The following EPB41 variants were observed in gnomAD, a reference collection of about 807,000 sequenced individuals.
EPB41 encodes erythrocyte membrane protein band 4.1.
In EPB41, 65 loss-of-function variants were observed where a neutral mutation model predicts 108.0. That is an observed-to-expected ratio of 0.60 (90% CI 0.49 to 0.74). EPB41 has a LOEUF of 0.74. EPB41 is among the 30% of genes least tolerant of loss of function. EPB41 has a pLI of 0.00. For missense variants in EPB41, 875 were observed against 1,037.0 expected, an observed-to-expected ratio of 0.84 and a Z score of 2.15; for synonymous variants, 336 against 358.9, an observed-to-expected ratio of 0.94 and a Z score of 0.72.
intron 1 of EPB41, among the ~76,000 whole-genome samples, chr1:28,960,260 C>G (rs1355875550): frequency 6.6e-6 from 1 of 151,706 alleles, no homozygotes. Context: ...ATCCACCCAC[C>G]TTGGCCTCCC....
At chr1:28,890,815 T>C in intron 1 of EPB41, 1 of 685,688 alleles carries the variant, frequency 1.5e-6, no homozygotes, top group Non-Finnish European at 1.8e-6. Context: ...GGATTTGAAC[T>C]TAGGTTCAAC....
At chr1:29,034,199 A>G (rs1362425630) in intron 9 of EPB41, among the ~76,000 whole-genome samples, 1 of 152,184 alleles carries the variant, frequency 6.6e-6, no homozygotes, top group East Asian at 1.9e-4. Flanking sequence ...TTAAAATTTC[A>G]AATTCAAGAG....
At chr1:28,950,591 A>G (rs950605207) in intron 1 of EPB41, among the ~76,000 whole-genome samples, 1 of 152,244 alleles carries the variant, frequency 6.6e-6, no homozygotes, top group Non-Finnish European at 1.5e-5. Flanking sequence ...GGAGCAGGAG[A>G]AAGGCAGAAG....
intron 1 of EPB41, among the ~76,000 whole-genome samples, chr1:28,965,312 A>G (rs2149212738): frequency 6.6e-6 from 1 of 152,250 alleles, no homozygotes; most frequent in Non-Finnish European, 1.5e-5. Flanking sequence ...TCCAATGAGA[A>G]TTTTATTTTA....
chr1:29,029,951 G>T (rs528296415), intron 7 of EPB41, among the ~76,000 whole-genome samples: 8 of 152,128 alleles, frequency 5.3e-5, no homozygotes, highest in Non-Finnish European at 1.0e-4. Flanking sequence ...CAATTCAGGG[G>T]TATGGAGAGA....
At chr1:29,003,295 C>G (rs1007398731) in intron 4 of EPB41, among the ~76,000 whole-genome samples, 1 of 152,162 alleles carries the variant, frequency 6.6e-6, no homozygotes, top group Non-Finnish European at 1.5e-5. Context: ...GGGCTCATCC[C>G]CCCATTTTAT....
intron 11 of EPB41, among the ~76,000 whole-genome samples, chr1:29,048,121 A>C (rs1160664313): frequency 6.6e-6 from 1 of 151,948 alleles, no homozygotes; most frequent in African/African-American, 2.4e-5. Context: ...TATGGGGTAC[A>C]AAGTAATTGT....
chr1:28,994,939 C>T (rs891632255), intron 3 of EPB41, among the ~76,000 whole-genome samples: 1 of 94,520 alleles, frequency 1.1e-5, no homozygotes, highest in Admixed American at 1.2e-4. Context: ...AGATTATAGG[C>T]ATGAGTCACC....
Position 28,998,131 on chromosome 1 carries a change from A to G in EPB41, c.786+812A>G, listed in dbSNP as rs569209763. Among the ~76,000 whole-genome samples the G allele has an allele frequency of 3.3e-5, 5 of 152,306 alleles. No individual in the cohort carries two copies. In the South Asian group the frequency reaches 1.0e-3, roughly 32 times the overall value. On this transcript the variant is annotated intron_variant, in intron 4 of 20. Coordinates refer to ENST00000343067, the MANE Select transcript of EPB41 (RefSeq NM_001376013.1). ...ATTAATTACTGGTTTGATGAGCGCT[A>G]TACAAAAGGAAATACAGGTTGTCAG...
At position 28,907,998 on chromosome 1, in the gene EPB41, C is replaced by T. The variant is rs561994559; in HGVS notation, c.-8+20788C>T. 3.9e-5 allele frequency among the ~76,000 whole-genome samples: 6 copies of T among 152,196 alleles called. No homozygotes were observed. The East Asian group carries it at 7.7e-4, about 20-fold the overall frequency. On this transcript the variant is annotated intron_variant, in intron 1 of 16. Coordinates refer to the EPB41 transcript ENST00000347529. ...TTCATCTAAGCTGTAGTTTCTTCAACTGTACTTGAGGCTAATAATATTGCC... is the reference window on the plus strand; with the variant it reads ...TTCATCTAAGCTGTAGTTTCTTCAATTGTACTTGAGGCTAATAATATTGCC...
At chr1:29,013,377 AAAAAC>A (rs1048976372) in intron 5 of EPB41, among the ~76,000 whole-genome samples, 2 of 152,168 alleles carry the variant, frequency 1.3e-5, no homozygotes, top group South Asian at 2.1e-4. Context: ...CATGGGGGAA[AAAAAC>A]AAAACAAAAC....
chr1:29,018,528 AG>A lies in EPB41; in HGVS notation c.1124+89del. 1 of 1,327,294 alleles carries A rather than the reference AG, an allele frequency of 7.5e-7. No individual in the cohort carries two copies. Among genetic ancestry groups the A allele is most frequent in the Non-Finnish European group, 1.1e-6 (1 of 922,810 alleles). 82.2% of individuals were successfully genotyped at this position (1,327,294 alleles called of 1,614,324 possible). A position where few individuals can be genotyped will look rare whatever the true frequency, so the allele number is the denominator to read the frequency against. On this transcript the variant is annotated intron_variant, in intron 7 of 20. Transcript: ENST00000343067. The surrounding 1 kb of genome is among the most constrained non-coding windows in gnomAD (Gnocchi z 4.4). Reference sequence around the variant, plus strand: ...GGTATTGGTTCATTGTTTGCCTAAGAGGGATCATGGTGCCATAGAAAGAGTC... The same window carrying A: ...GGTATTGGTTCATTGTTTGCCTAAGAGGATCATGGTGCCATAGAAAGAGTC...
At chr1:29,084,838 T>C (rs1304290732) in intron 16 of EPB41, among the ~76,000 whole-genome samples, 2 of 152,196 alleles carry the variant, frequency 1.3e-5, no homozygotes, top group Non-Finnish European at 2.9e-5. Context: ...ACAATTTCTT[T>C]CTTCAAAGTT....
At chr1:28,927,368 G>C (rs1201692509) in intron 1 of EPB41, among the ~76,000 whole-genome samples, 2 of 152,048 alleles carry the variant, frequency 1.3e-5, no homozygotes, top group African/African-American at 4.8e-5. Flanking sequence ...CTTTTTACCT[G>C]TGAAAAAAAA....
At chr1:28,964,618 T>TA (rs978609902) in intron 1 of EPB41, among the ~76,000 whole-genome samples, 2,008 of 151,760 alleles carry the variant, frequency 0.013, 46 homozygotes, top group African/African-American at 0.045. Flanking sequence ...AATAAATAAA[T>TA]AAATAAATAA....
intron 7 of EPB41, among the ~76,000 whole-genome samples, chr1:29,023,424 A>G (rs1365016956): frequency 1.3e-5 from 2 of 151,944 alleles, no homozygotes; most frequent in Non-Finnish European, 1.5e-5. Context: ...ACAGTGGCTC[A>G]TGCCTGTAAT....
intron 9 of EPB41, among the ~76,000 whole-genome samples, chr1:29,034,593 GTTTCC>G (rs1284094693): frequency 2.0e-5 from 3 of 152,166 alleles, no homozygotes; most frequent in African/African-American, 7.2e-5. Context: ...ATAAATGTCA[GTTTCC>G]TTTCCATCTT....
chr1:28,941,753 G>C (rs1015954299), intron 1 of EPB41, among the ~76,000 whole-genome samples: 1 of 152,004 alleles, frequency 6.6e-6, no homozygotes, highest in African/African-American at 2.4e-5. Flanking sequence ...AAATTAGCAG[G>C]GGGTGGTGGT....
At chr1:29,047,764 A>G (rs1643723201) in intron 11 of EPB41, among the ~76,000 whole-genome samples, 1 of 151,716 alleles carries the variant, frequency 6.6e-6, no homozygotes, top group African/African-American at 2.4e-5. Context: ...TAAATTGACA[A>G]TTTATGTATG....
Sources: allele counts gnomAD v4.1 joint callset (sites outside exome capture counted in the v4.1 genomes callset), GRCh38; gene constraint gnomAD v4.1.1; non-coding constraint Gnocchi (gnomAD v3.1); transcripts MANE v1.5; gene names NCBI Gene and HGNC (gene_info 2026-07-23, HGNC 2026-07-21).